Variants in BICC1 observed in about 807,000 individuals in gnomAD.
BICC1 encodes BicC family RNA binding protein 1, also known as protein bicaudal C homolog 1.
In BICC1, 43 loss-of-function variants were observed where a neutral mutation model predicts 111.0. That is an observed-to-expected ratio of 0.39 (90% confidence interval 0.30 to 0.50). BICC1 has a LOEUF of 0.50. Among genes scored for constraint, BICC1 ranks in the 20% least tolerant of loss-of-function variants. The pLI is 0.88. For synonymous variants in BICC1, 467 were observed against 434.4 expected (o/e 1.07, Z -0.93); for missense variants, 1,091 against 1,203.2 (o/e 0.91, Z 1.38).
chr10:58,613,922 G>T (rs1172100938), intron 1 of BICC1, among the ~76,000 whole-genome samples: 4 of 152,156 alleles, frequency 2.6e-5, no homozygotes, highest in Non-Finnish European at 4.4e-5. Context: ...CAGAATGAAA[G>T]TGTCAGCTTT....
At chr10:58,820,236 G>A in intron 19 of BICC1, 133 bp from the exon 20 acceptor site, 2 of 564,830 alleles carry the variant, frequency 3.5e-6, no homozygotes, top group South Asian at 4.5e-5. Flanking sequence ...TCTTAGGTTT[G>A]TGCTACCACC....
At chr10:58,519,797 G>A (rs1309941922) in intron 1 of BICC1, among the ~76,000 whole-genome samples, 1 of 151,966 alleles carries the variant, frequency 6.6e-6, no homozygotes, top group Non-Finnish European at 1.5e-5. Flanking sequence ...GGACCACTGA[G>A]TACTGGAACT....
At chr10:58,635,827 C>T (rs932016742) in intron 2 of BICC1, among the ~76,000 whole-genome samples, 3 of 152,124 alleles carry the variant, frequency 2.0e-5, no homozygotes, top group African/African-American at 4.8e-5. Flanking sequence ...CCAACTAGAA[C>T]GTCTTTTTTT....
chr10:58,735,323 T>C (rs1841434354), intron 3 of BICC1, among the ~76,000 whole-genome samples: 2 of 152,182 alleles, frequency 1.3e-5, no homozygotes, highest in African/African-American at 2.4e-5. Flanking sequence ...CCCCGTCTCA[T>C]AGCCATCATA....
At chr10:58,526,377 T>A (rs1173472836) in intron 1 of BICC1, among the ~76,000 whole-genome samples, 1 of 151,878 alleles carries the variant, frequency 6.6e-6, no homozygotes, top group African/African-American at 2.4e-5. Flanking sequence ...CCGAATAGGT[T>A]ACATTGTTTC....
chr10:58,649,464 T>C (rs1838374740), intron 2 of BICC1, among the ~76,000 whole-genome samples: 1 of 152,102 alleles, frequency 6.6e-6, no homozygotes, highest in South Asian at 2.1e-4. Flanking sequence ...ATTCTGCTGG[T>C]ATCAGAGGGT....
In BICC1 at chr10:58,717,161, T is replaced by A. The variant is rs1266302944; in HGVS notation, c.307+15018T>A. On this transcript the variant is annotated intron_variant, in intron 3 of 20. Transcript: ENST00000373886. Reference sequence around the variant, plus strand: ...AACTTGATAGCTAAAGATTCTAAAATGCATGTTTTATACTAAGTTTTAACC... The same window carrying A: ...AACTTGATAGCTAAAGATTCTAAAAAGCATGTTTTATACTAAGTTTTAACC... 1.2e-4 allele frequency among the ~76,000 whole-genome samples: 19 copies of A among 152,212 alleles called. No individual in the cohort carries two copies. The East Asian group carries it at 3.7e-3, about 29-fold the overall frequency.
intron 1 of BICC1, among the ~76,000 whole-genome samples, chr10:58,588,187 T>G (rs1244071917): frequency 6.6e-6 from 1 of 152,264 alleles, no homozygotes; most frequent in Non-Finnish European, 1.5e-5. Context: ...ATGTATTTAT[T>G]CATGACCCCT....
In BICC1 at chr10:58,597,801, GA is replaced by G. The variant is rs1401198158; in HGVS notation, c.191-23049del. On this transcript the variant is annotated intron_variant, in intron 1 of 20. Transcript: ENST00000373886. Reference sequence around the variant, plus strand: ...TCCGTTTATAGGCTCTCTGCAAGAAGAAAAATATGGCTCTTTTTGCCCAACC... The same window carrying G: ...TCCGTTTATAGGCTCTCTGCAAGAAGAAAATATGGCTCTTTTTGCCCAACC... Among the ~76,000 whole-genome samples the G allele has an allele frequency of 3.3e-5, 5 of 152,154 alleles. No homozygotes were observed. The East Asian group carries it at 9.7e-4, about 29-fold the overall frequency.
intron 2 of BICC1, among the ~76,000 whole-genome samples, chr10:58,659,428 T>C (rs1838769141): frequency 6.6e-6 from 1 of 152,194 alleles, no homozygotes. Context: ...TTATATTCTT[T>C]GCAGCAACAT....
Position 58,829,188 on chromosome 10 carries a change from ATGATTTTTT to A in BICC1, c.*299_*307del. On this transcript the variant is annotated 3_prime_UTR_variant, in exon 21 of 21. Transcript: ENST00000373886. The stretch of plus-strand genomic sequence containing the variant: ...ATTTACCTATATAACATATGCACTG[ATGATTTTTT>A]TTTTTTTTTTTTTTTTTTTTTTTTT... 9.5e-6 allele frequency: 1 copy of A among 105,546 alleles called. No individual in the cohort carries two copies. Among genetic ancestry groups the A allele is most frequent in the Non-Finnish European group, 1.8e-5 (1 of 56,482 alleles). The allele number at this position is 105,546 out of a possible 1,614,324, so 6.5% of individuals were successfully genotyped here. A position where few individuals can be genotyped will look rare whatever the true frequency, so the allele number is the denominator to read the frequency against.
At chr10:58,643,537 TC>T (rs1838183214) in intron 2 of BICC1, among the ~76,000 whole-genome samples, 1 of 152,252 alleles carries the variant, frequency 6.6e-6, no homozygotes, top group Admixed American at 6.5e-5. Flanking sequence ...AGCAGAATGG[TC>T]AGGACTTACA....
At chr10:58,700,951 G>A (rs1245714656) in intron 2 of BICC1, among the ~76,000 whole-genome samples, 1 of 152,126 alleles carries the variant, frequency 6.6e-6, no homozygotes, top group Non-Finnish European at 1.5e-5. Flanking sequence ...ACAATGAATA[G>A]ACAAAATGCA....
intron 1 of BICC1, among the ~76,000 whole-genome samples, chr10:58,574,852 G>T (rs988502003): frequency 2.0e-5 from 3 of 152,056 alleles, no homozygotes; most frequent in African/African-American, 7.2e-5. Flanking sequence ...TGTGTGTCTG[G>T]TGTACAAGAA....
At chr10:58,693,678 C>G (rs566176124) in intron 2 of BICC1, among the ~76,000 whole-genome samples, 1 of 152,066 alleles carries the variant, frequency 6.6e-6, no homozygotes, top group African/African-American at 2.4e-5. Context: ...AGTGTCTGTT[C>G]ATATCCTTTG....
intron 2 of BICC1, among the ~76,000 whole-genome samples, chr10:58,661,637 C>T (rs1033014960): frequency 2.0e-5 from 3 of 152,030 alleles, no homozygotes; most frequent in Admixed American, 6.6e-5. Context: ...ATGCTGTGTT[C>T]GGGTTGTGCT....
rs1346573630 is a variant in BICC1, at chr10:58,786,811, G to A, written c.388-112G>A. 7.9e-6 allele frequency: 5 copies of A among 636,608 alleles called. No individual in the cohort carries two copies. In the African/African-American group the frequency reaches 9.5e-5, roughly 12 times the overall value. 39.4% of individuals were successfully genotyped at this position (636,608 alleles called of 1,614,324 possible). A position where few individuals can be genotyped will look rare whatever the true frequency, so the allele number is the denominator to read the frequency against. On this transcript the variant is annotated intron_variant, in intron 4 of 20. Transcript: ENST00000373886. ...TTAAGATGATCTTATTAAGAAATAA[G>A]ATTTCCCACTGACTTGCTTTTTGTT...
chr10:58,742,922 C>G (rs959779351), intron 3 of BICC1, among the ~76,000 whole-genome samples: 1 of 152,174 alleles, frequency 6.6e-6, no homozygotes, highest in African/African-American at 2.4e-5. Flanking sequence ...ATTGCCCACA[C>G]CTTAAATGAT....
At chr10:58,736,918 G>A (rs928849854) in intron 3 of BICC1, among the ~76,000 whole-genome samples, 1 of 151,918 alleles carries the variant, frequency 6.6e-6, no homozygotes, top group South Asian at 2.1e-4. Flanking sequence ...AAAGAAAATA[G>A]AACTAATTTT....
Sources: allele counts gnomAD v4.1 joint callset (sites outside exome capture counted in the v4.1 genomes callset), GRCh38; gene constraint gnomAD v4.1.1; transcripts MANE v1.5; gene names NCBI Gene and HGNC (gene_info 2026-07-23, HGNC 2026-07-21).